The following TCF20 variants were observed in gnomAD, a reference collection of about 807,000 sequenced individuals.
TCF20 encodes the protein SPRE-binding protein.
TCF20 carries 3 observed loss-of-function variants against 148.6 expected under a neutral mutation model. The observed-to-expected ratio is 0.02, with a 90% CI of 0.01 to 0.05. TCF20 has a LOEUF of 0.05. Ranked by LOEUF, TCF20 falls within the 10% of genes least tolerant of loss-of-function variation. The probability of loss-of-function intolerance (pLI) is 1.00; values close to 1 mark genes in which losing one functional copy is unlikely to be tolerated. For synonymous variants in TCF20, 1,049 were observed against 909.5 expected, an observed-to-expected ratio of 1.15 and a Z score of -2.76; for missense variants, 2,350 against 2,429.3, an observed-to-expected ratio of 0.97 and a Z score of 0.69.
At chr22:42,207,363 GT>G (rs199510539) in intron 2 of TCF20, among the ~76,000 whole-genome samples, 2 of 150,546 alleles carry the variant, frequency 1.3e-5, no homozygotes, top group African/African-American at 4.9e-5. Flanking sequence ...AAAAAAAAAT[GT>G]TTTTTTTTCC....
chr22:42,168,790 A>T, intron 4 of TCF20, 54 bp from the exon 5 acceptor site: 1 of 1,537,536 alleles, frequency 6.5e-7, no homozygotes. Context: ...ACAGTGCAGA[A>T]ATCAGGGAGG....
At chr22:42,239,585 C>A (rs2147304750) in intron 1 of TCF20, among the ~76,000 whole-genome samples, 1 of 152,142 alleles carries the variant, frequency 6.6e-6, no homozygotes, top group Non-Finnish European at 1.5e-5. Context: ...GTTAGGAGTT[C>A]CAGACCAGTC....
At chr22:42,185,835 C>T (rs535691522) in intron 2 of TCF20, among the ~76,000 whole-genome samples, 1 of 152,286 alleles carries the variant, frequency 6.6e-6, no homozygotes, top group African/African-American at 2.4e-5. Flanking sequence ...TTTAACTTGC[C>T]ATTAACACAA....
intron 1 of TCF20, among the ~76,000 whole-genome samples, chr22:42,231,409 G>A (rs1923385867): frequency 6.6e-6 from 1 of 152,120 alleles, no homozygotes; most frequent in Non-Finnish European, 1.5e-5. Flanking sequence ...TTGAGCCCAG[G>A]AGTTTGAGGT....
At chr22:42,314,651 G>A (rs1421306463) in intron 1 of TCF20, among the ~76,000 whole-genome samples, 1 of 152,214 alleles carries the variant, frequency 6.6e-6, no homozygotes, top group Non-Finnish European at 1.5e-5. Flanking sequence ...GGGAGAACAG[G>A]GGGTCCTGCC....
chr22:42,208,509 C>T (rs1363595885), intron 2 of TCF20, among the ~76,000 whole-genome samples: 1 of 152,082 alleles, frequency 6.6e-6, no homozygotes, highest in African/African-American at 2.4e-5. Context: ...CACCTTTAGT[C>T]CCAGGTACCA....
At position 42,212,949 on chromosome 22, in the gene TCF20, G is replaced by C. The variant is rs977262435; in HGVS notation, c.2357C>G (p.Thr786Arg). ...QGMAGSLEGT[T>R]RPNVLVSQTN... Reference sequence around the variant, plus strand: ...TTGACTAACCAAGACATTGGGCCTTGTGGTTCCTTCTAGGCTACCAGCCAT... The same window carrying C: ...TTGACTAACCAAGACATTGGGCCTTCTGGTTCCTTCTAGGCTACCAGCCAT... The change falls in exon 2 of 6, where the codon ACA becomes AGA. Residue 786 changes from threonine (T) to arginine (R), a missense_variant. By Grantham distance (71) the Thr-to-Arg change is moderately conservative. Around this residue, in one of 7 missense-constraint regions of TCF20, gnomAD observed 1,641 missense variants for 1,662.6 expected, o/e 0.99. Coordinates refer to ENST00000677622, the MANE Select transcript of TCF20 (RefSeq NM_001378418.1). 6.2e-7 allele frequency: 1 copy of C among 1,614,182 alleles called. No individual in the cohort carries two copies. The highest frequency in any genetic ancestry group is 8.5e-7 in the Non-Finnish European group (1 of 1,180,032).
intron 2 of TCF20, among the ~76,000 whole-genome samples, chr22:42,188,120 C>G (rs933165333): frequency 5.9e-5 from 9 of 151,642 alleles, no homozygotes; most frequent in African/African-American, 1.9e-4. Context: ...ACAGTGAAAC[C>G]CTGTCTCTAC....
chr22:42,299,537 G>A lies in TCF20; in HGVS notation c.-37+43942C>T, dbSNP rs552221739. On this transcript the variant is annotated intron_variant, in intron 1 of 1. Coordinates refer to the TCF20 transcript ENST00000515426. The surrounding 1 kb of genome is among the most constrained non-coding windows in gnomAD (Gnocchi z 4.1). ...CAGTGGTGGGTCACCCAGGAACCCC[G>A]AGGAACTGGAATGGGGGTGGAGGGG... 1.4e-4 allele frequency among the ~76,000 whole-genome samples: 21 copies of A among 152,312 alleles called. No individual in the cohort carries two copies. The South Asian group carries it at 2.7e-3, about 20-fold the overall frequency.
intron 3 of TCF20, among the ~76,000 whole-genome samples, chr22:42,178,099 G>T (rs1253099570): frequency 6.6e-6 from 1 of 152,190 alleles, no homozygotes. Flanking sequence ...AGGGCTTCTG[G>T]ACTGCTGAGT....
At chr22:42,164,844 CACAAGG>C (rs1187540423) in intron 5 of TCF20, among the ~76,000 whole-genome samples, 2 of 152,162 alleles carry the variant, frequency 1.3e-5, no homozygotes, top group African/African-American at 2.4e-5. Context: ...GTGTTTCCAG[CACAAGG>C]AACTGTGTGT....
chr22:42,228,439 A>C (rs5758661), intron 1 of TCF20, among the ~76,000 whole-genome samples: 69,544 of 152,058 alleles, frequency 0.46, 16,816 homozygotes, highest in South Asian at 0.58. Flanking sequence ...CAATAATCCC[A>C]AGAGGTACAA....
intron 1 of TCF20, among the ~76,000 whole-genome samples, chr22:42,259,533 C>A (rs1488767883): frequency 6.6e-6 from 1 of 152,236 alleles, no homozygotes; most frequent in East Asian, 1.9e-4. Flanking sequence ...TGATGTCTTA[C>A]AAGCATCTCT....
At chr22:42,200,637 G>A (rs1275574306) in intron 2 of TCF20, among the ~76,000 whole-genome samples, 5 of 82,092 alleles carry the variant, frequency 6.1e-5, no homozygotes, top group African/African-American at 1.4e-4. Context: ...GCAGGACTTC[G>A]TCTCAAAAAA....
chr22:42,162,147 A>G (rs899002854), intron 5 of TCF20, among the ~76,000 whole-genome samples: 2 of 151,592 alleles, frequency 1.3e-5, no homozygotes, highest in Non-Finnish European at 2.9e-5. Flanking sequence ...CACCCGGCTA[A>G]TTTTTGTATT....
intron 2 of TCF20, among the ~76,000 whole-genome samples, chr22:42,207,298 G>A (rs1408191793): frequency 6.6e-6 from 1 of 151,904 alleles, no homozygotes; most frequent in Non-Finnish European, 1.5e-5. Flanking sequence ...TTAGGACGCT[G>A]GCAGCCAAGC....
At chr22:42,306,298 T>C (rs900193849) in intron 1 of TCF20, among the ~76,000 whole-genome samples, 5 of 152,224 alleles carry the variant, frequency 3.3e-5, no homozygotes, top group African/African-American at 1.2e-4. Flanking sequence ...CCAAGGAAAG[T>C]GGCGCGAGGG....
At chr22:42,260,691 C>T (rs528951521) in intron 1 of TCF20, among the ~76,000 whole-genome samples, 1 of 152,194 alleles carries the variant, frequency 6.6e-6, no homozygotes, top group South Asian at 2.1e-4. Context: ...ACTGTGTTGC[C>T]CAGGCCTTTC....
In TCF20 at chr22:42,324,124, ATGGTGG is replaced by A. The variant is rs1327441995; in HGVS notation, c.-37+19349_-37+19354del. Among the ~76,000 whole-genome samples the A allele has an allele frequency of 2.9e-3, 5 of 1,712 alleles. 1 individual carries two copies. Among genetic ancestry groups the A allele is most frequent in the African/African-American group, 0.017 (5 of 286 alleles). The allele number at this position is 1,712 out of a possible 152,430, so 1.1% of individuals were successfully genotyped here. ...TATGGTGGTGGTGGTGGTGGTGGTT[ATGGTGG>A]TGGTGGTGGTGGTGGTGATAGAGGT... On this transcript the variant is annotated intron_variant, in intron 1 of 1. Coordinates refer to the TCF20 transcript ENST00000515426.
Sources: gnomAD v4.1 joint callset for allele counts (sites outside exome capture counted in the v4.1 genomes callset) on GRCh38, gnomAD v4.1.1 for gene constraint, gnomAD v4.1.1 regional missense constraint, Gnocchi (gnomAD v3.1) non-coding constraint, MANE v1.5 for transcripts, NCBI Gene and HGNC (gene_info 2026-07-23, HGNC 2026-07-21) for gene names.